Variants in LRP2 observed in about 807,000 individuals in gnomAD.
The protein encoded by LRP2 is low-density lipoprotein receptor-related protein 2.
Under a neutral mutation model 531.0 loss-of-function variants are expected in LRP2, and 172 were observed. The observed-to-expected ratio is 0.32, with a 90% CI of 0.29 to 0.37. LRP2 has a LOEUF of 0.37. LRP2 is among the 10% of genes least tolerant of loss of function. LRP2 has a pLI of 1.00. For synonymous variants in LRP2, 1,992 were observed against 2,027.6 expected (o/e 0.98, Z 0.47); for missense variants, 5,167 against 5,868.3 (o/e 0.88, Z 3.90).
At chr2:169,336,732 T>A (rs1305601878) in intron 1 of LRP2, among the ~76,000 whole-genome samples, 10 of 152,170 alleles carry the variant, frequency 6.6e-5, no homozygotes, top group Non-Finnish European at 7.4e-5. Flanking sequence ...GTAGACCATT[T>A]ATCTTTGTAT....
chr2:169,223,263 C>T (rs1189635780), intron 33 of LRP2, among the ~76,000 whole-genome samples: 1 of 152,192 alleles, frequency 6.6e-6, no homozygotes, highest in Non-Finnish European at 1.5e-5. Context: ...CCTTACCAAT[C>T]CATACACACA....
At chr2:169,248,147 A>ATC (rs770045868) in intron 19 of LRP2, among the ~76,000 whole-genome samples, 1 of 151,426 alleles carries the variant, frequency 6.6e-6, no homozygotes. Context: ...CTAATGTTAG[A>ATC]ATGATGCTCA....
chr2:169,216,894 A>C (rs1407072870), intron 34 of LRP2, among the ~76,000 whole-genome samples: 5 of 152,172 alleles, frequency 3.3e-5, no homozygotes, highest in African/African-American at 1.2e-4. Context: ...TAATTACCTA[A>C]CCTGATTTCT....
intron 8 of LRP2, among the ~76,000 whole-genome samples, chr2:169,289,506 A>G (rs529367918): frequency 6.6e-6 from 1 of 152,294 alleles, no homozygotes; most frequent in African/African-American, 2.4e-5. Context: ...GCAGTGAGCT[A>G]TGACTGCACC....
At chr2:169,345,714 G>T (rs1359541112) in intron 1 of LRP2, among the ~76,000 whole-genome samples, 1 of 146,742 alleles carries the variant, frequency 6.8e-6, no homozygotes, top group Non-Finnish European at 1.5e-5. Flanking sequence ...ATGGAGGTTT[G>T]ACCCCTTGGC....
intron 75 of LRP2, 135 bp downstream of exon 75, chr2:169,138,442 C>G: frequency 1.1e-6 from 1 of 926,118 alleles, no homozygotes; most frequent in Non-Finnish European, 1.6e-6. Context: ...TGTTTCCTAA[C>G]TTGTGTAGTG....
At chr2:169,162,364 A>C in intron 63 of LRP2, 108 bp downstream of exon 63, 1 of 1,326,580 alleles carries the variant, frequency 7.5e-7, no homozygotes, top group Non-Finnish European at 1.1e-6. Flanking sequence ...TCAAGCAAAA[A>C]GTACATTAAG....
At chr2:169,239,502 T>A in intron 26 of LRP2, 25 bp downstream of exon 26, 1 of 1,614,002 alleles carries the variant, frequency 6.2e-7, no homozygotes, top group Non-Finnish European at 8.5e-7. Context: ...GCTGATAAAC[T>A]GGCTCGGGTT....
At chr2:169,238,380 A>G (rs2105379279) in intron 26 of LRP2, 78 bp from the exon 27 acceptor site, 1 of 1,044,374 alleles carries the variant, frequency 9.6e-7, no homozygotes, top group South Asian at 1.3e-5. Context: ...TTTTGATTCA[A>G]TACTTTTGGT....
At chr2:169,150,837 G>A in intron 68 of LRP2, 61 bp downstream of exon 68, 2 of 1,602,904 alleles carry the variant, frequency 1.2e-6, no homozygotes, top group Admixed American at 1.7e-5. Context: ...TAAGAAACAT[G>A]GAATTTGATG....
intron 50 of LRP2, among the ~76,000 whole-genome samples, chr2:169,182,961 T>C (rs1375073850): frequency 6.6e-6 from 1 of 152,198 alleles, no homozygotes. Context: ...ATAAAATTTA[T>C]TTTTCTTATA....
At chr2:169,237,405 T>C (rs1689645829) in intron 27 of LRP2, 118 bp from the exon 28 acceptor site, 1 of 831,434 alleles carries the variant, frequency 1.2e-6, no homozygotes, top group Non-Finnish European at 1.9e-6. Context: ...CTTGTGGGGA[T>C]TAGAAAATTT....
At chr2:169,219,269 C>T (rs778261291) in intron 34 of LRP2, among the ~76,000 whole-genome samples, 4 of 152,120 alleles carry the variant, frequency 2.6e-5, no homozygotes, top group Non-Finnish European at 5.9e-5. Context: ...TTCTTCAGTG[C>T]CCTTCTAGGC....
rs772355509 is a variant in LRP2, at chr2:169,141,001, TAG to T, written c.13109-458_13109-457del. On this transcript the variant is annotated intron_variant, in intron 71 of 78. Transcript: ENST00000649046. ...ACAGGCAGTCACATAGCTACAGATA[TAG>T]AGATATTTGATAGGCAGTTAGCTAG... Among the ~76,000 whole-genome samples the T allele has an allele frequency of 8.5e-5, 13 of 152,136 alleles. 1 individual carries two copies. The highest frequency in any genetic ancestry group is 1.3e-4 in the Non-Finnish European group (9 of 68,018).
At chr2:169,248,429 C>A (rs1405438098) in intron 19 of LRP2, among the ~76,000 whole-genome samples, 1 of 152,164 alleles carries the variant, frequency 6.6e-6, no homozygotes, top group African/African-American at 2.4e-5. Context: ...TTTCTAGAGC[C>A]TGGCAATCCC....
At position 169,173,977 on chromosome 2, in the gene LRP2, C is replaced by A; in HGVS notation, c.10956G>T (p.Trp3652Cys). ...CACAATCATTATCCACATCACACTT[C>A]CAGGCCTGCGGGATGCAGCGGCCAT... Reference protein sequence around the residue: ...CANGRCIPQAWKCDVDNDCGD... With the variant: ...CANGRCIPQACKCDVDNDCGD... Residue 3652 changes from tryptophan (W) to cysteine (C), a missense_variant, in exon 56 of 79, where the codon TGG becomes TGT. Trp to Cys is a radical substitution (Grantham distance 215). Around this residue, in one of 6 missense-constraint regions of LRP2, gnomAD observed 311 missense variants for 309.4 expected, o/e 1.01. Coordinates refer to ENST00000649046, the MANE Select transcript of LRP2 (RefSeq NM_004525.3). The A allele has an allele frequency of 6.2e-7, 1 of 1,614,240 alleles. No individual in the cohort carries two copies. Among genetic ancestry groups the A allele is most frequent in the East Asian group, 2.2e-5 (1 of 44,888 alleles).
At chr2:169,246,210 A>T (rs1168149649) in intron 21 of LRP2, among the ~76,000 whole-genome samples, 1 of 151,674 alleles carries the variant, frequency 6.6e-6, no homozygotes, top group Non-Finnish European at 1.5e-5. Context: ...TATTATTATT[A>T]TACTTTAAGT....
chr2:169,168,401 A>T, intron 61 of LRP2, 138 bp downstream of exon 61: 1 of 1,051,280 alleles, frequency 9.5e-7, no homozygotes, highest in Non-Finnish European at 1.5e-6. Context: ...AGACCCAGTG[A>T]AATAACACCA....
At chr2:169,172,274 T>A in intron 57 of LRP2, 140 bp from the exon 58 acceptor site, 1 of 963,264 alleles carries the variant, frequency 1.0e-6, no homozygotes, top group South Asian at 1.4e-5. Context: ...CCAGCAACAT[T>A]CATGGTCAAC....
Sources: allele counts gnomAD v4.1 joint callset (sites outside exome capture counted in the v4.1 genomes callset), GRCh38; gene constraint gnomAD v4.1.1; regional missense constraint gnomAD v4.1.1; transcripts MANE v1.5; gene names NCBI Gene and HGNC (gene_info 2026-07-23, HGNC 2026-07-21).